The following NFIA variants were observed in gnomAD, a reference collection of about 807,000 sequenced individuals.
NFIA encodes the protein nuclear factor 1 A-type.
In NFIA, 8 loss-of-function variants were observed where a neutral mutation model predicts 62.8. The ratio of observed to expected loss-of-function variants is 0.13; its 90% CI spans 0.07 to 0.23. The LOEUF is 0.23. NFIA is among the 10% of genes least tolerant of loss of function. The probability of loss-of-function intolerance (pLI) is 1.00; values close to 1 mark genes in which losing one functional copy is unlikely to be tolerated. For synonymous variants in NFIA, 235 were observed against 238.1 expected (o/e 0.99, Z 0.12); for missense variants, 410 against 642.1 (o/e 0.64, Z 3.91).
At chr1:61,096,637 C>T (rs1190837609) in intron 2 of NFIA, among the ~76,000 whole-genome samples, 1 of 145,418 alleles carries the variant, frequency 6.9e-6, no homozygotes, top group African/African-American at 2.6e-5. Context: ...ACTGCAACCT[C>T]TGCCTCCTGG....
chr1:61,090,813 C>T (rs1646307123), intron 2 of NFIA, among the ~76,000 whole-genome samples: 1 of 152,172 alleles, frequency 6.6e-6, no homozygotes, highest in Admixed American at 6.5e-5. Flanking sequence ...GGCTGCTTCT[C>T]TGTGCGCGCA....
chr1:61,256,540 C>T (rs1296502849), intron 2 of NFIA, among the ~76,000 whole-genome samples: 3 of 151,778 alleles, frequency 2.0e-5, no homozygotes, highest in East Asian at 1.9e-4. Context: ...GCCCCTGGGC[C>T]GTGGGTTGGA....
chr1:61,450,018 T>C (rs984165319), intron 10 of NFIA, among the ~76,000 whole-genome samples: 1 of 152,198 alleles, frequency 6.6e-6, no homozygotes, highest in Non-Finnish European at 1.5e-5. Context: ...CTGAGTCCTT[T>C]GGACACTGGA....
intron 2 of NFIA, among the ~76,000 whole-genome samples, chr1:61,107,595 C>T (rs1646626469): frequency 6.6e-6 from 1 of 151,302 alleles, no homozygotes; most frequent in Non-Finnish European, 1.5e-5. Context: ...TGTACGTTTG[C>T]CAATATATTT....
rs964987879 is a variant in NFIA, at chr1:61,290,595, G to A, written c.625+13010G>A. 2.5e-4 allele frequency among the ~76,000 whole-genome samples: 38 copies of A among 152,162 alleles called. 1 individual carries two copies. The highest frequency in any genetic ancestry group is 2.0e-4 in the Admixed American group (3 of 15,270). ...CTTTTCAGTTTAATGCATTGTTACAGCTTTGAACTCTTCAGTAGGATCCTA... is the reference window on the plus strand; with the variant it reads ...CTTTTCAGTTTAATGCATTGTTACAACTTTGAACTCTTCAGTAGGATCCTA... On this transcript the variant is annotated intron_variant, in intron 3 of 10. Transcript: ENST00000403491.
intron 6 of NFIA, among the ~76,000 whole-genome samples, chr1:61,381,044 G>T (rs1473110568): frequency 6.6e-6 from 1 of 151,044 alleles, no homozygotes; most frequent in East Asian, 1.9e-4. Context: ...CCAGCCATTT[G>T]CTATCATCAA....
intron 6 of NFIA, among the ~76,000 whole-genome samples, chr1:61,381,263 T>G (rs1664400908): frequency 6.6e-6 from 1 of 152,162 alleles, no homozygotes; most frequent in African/African-American, 2.4e-5. Flanking sequence ...TTAAATGAGT[T>G]GGGAGATTTG....
chr1:61,312,890 C>CA (rs1234472966), intron 3 of NFIA, among the ~76,000 whole-genome samples: 4 of 152,068 alleles, frequency 2.6e-5, no homozygotes, highest in East Asian at 3.9e-4. Flanking sequence ...CAAACCAAAA[C>CA]AAAAAAATAC....
At chr1:61,312,900 C>T (rs1262792496) in intron 3 of NFIA, among the ~76,000 whole-genome samples, 1 of 152,110 alleles carries the variant, frequency 6.6e-6, no homozygotes, top group South Asian at 2.1e-4. Flanking sequence ...CAAAAAAATA[C>T]TTTTTAGTAA....
At chr1:61,120,611 A>G (rs1646872569) in intron 2 of NFIA, among the ~76,000 whole-genome samples, 1 of 152,076 alleles carries the variant, frequency 6.6e-6, no homozygotes. Flanking sequence ...CAATAAAGTC[A>G]TTTTTCTGGT....
chr1:61,395,592 C>G (rs1300868783), intron 7 of NFIA, among the ~76,000 whole-genome samples: 1 of 152,138 alleles, frequency 6.6e-6, no homozygotes, highest in Non-Finnish European at 1.5e-5. Flanking sequence ...GTTCAAGTTC[C>G]CTTCATGTAA....
chr1:61,406,698 A>G lies in NFIA; in HGVS notation c.1391A>G (p.Glu464Gly). The part of the protein sequence containing the change: ...PDTKPPTTST[E>G]GGAASPTSPT... ...ACAAAGCCTCCAACCACGTCAACAG[A>G]AGGAGGTGCAGCCTCCCCCACGTCA... The change falls in exon 9 of 11, where the codon GAA becomes GGA. Residue 464 changes from glutamate (E) to glycine (G), a missense_variant. Coordinates refer to ENST00000403491, the MANE Select transcript of NFIA (RefSeq NM_001134673.4). 6.2e-7 allele frequency: 1 copy of G among 1,612,214 alleles called. No homozygotes were observed. The highest frequency in any genetic ancestry group is 8.5e-7 in the Non-Finnish European group (1 of 1,179,234).
chr1:61,289,142 G>C (rs1265972893), intron 3 of NFIA, among the ~76,000 whole-genome samples: 1 of 152,134 alleles, frequency 6.6e-6, no homozygotes, highest in Non-Finnish European at 1.5e-5. Context: ...GAAGAATTCT[G>C]TGTTTTATAG....
At chr1:61,118,523 C>T (rs17121624) in intron 2 of NFIA, among the ~76,000 whole-genome samples, 10,702 of 151,898 alleles carry the variant, frequency 0.07, 912 homozygotes, top group East Asian at 0.36. Flanking sequence ...TGTGATAGAT[C>T]TCTAAAGGAA....
At chr1:61,355,983 G>C (rs889668896) in intron 5 of NFIA, among the ~76,000 whole-genome samples, 1 of 152,062 alleles carries the variant, frequency 6.6e-6, no homozygotes, top group Admixed American at 6.6e-5. Flanking sequence ...ACTGGCTTGG[G>C]GTATTTGCAT....
intron 2 of NFIA, among the ~76,000 whole-genome samples, chr1:61,099,568 T>G (rs1443448074): frequency 1.3e-5 from 2 of 152,170 alleles, no homozygotes; most frequent in African/African-American, 4.8e-5. Context: ...TTTAAAAAAA[T>G]TTTTTGGTCC....
At chr1:61,337,277 C>T (rs562919603) in intron 4 of NFIA, among the ~76,000 whole-genome samples, 2 of 152,040 alleles carry the variant, frequency 1.3e-5, no homozygotes, top group Admixed American at 1.3e-4. Flanking sequence ...CTGCAATCTT[C>T]CGTGAACTCC....
At chr1:61,077,858 T>C (rs920853698), upstream of NFIA, among the ~76,000 whole-genome samples, 6 of 151,966 alleles carry the variant, frequency 3.9e-5, no homozygotes, top group Non-Finnish European at 7.4e-5. Flanking sequence ...TTTTCTTTTT[T>C]TTTTTTTTCG....
chr1:61,165,713 A>G (rs1649523917), intron 2 of NFIA, among the ~76,000 whole-genome samples: 1 of 152,282 alleles, frequency 6.6e-6, no homozygotes, highest in Non-Finnish European at 1.5e-5. Flanking sequence ...TCTTGGGGTT[A>G]TAAATTTGGG....
Sources: allele counts gnomAD v4.1 joint callset (sites outside exome capture counted in the v4.1 genomes callset), GRCh38; gene constraint gnomAD v4.1.1; transcripts MANE v1.5; gene names NCBI Gene and HGNC (gene_info 2026-07-23, HGNC 2026-07-21).